Variants in ANTXR2 observed in about 807,000 individuals in gnomAD.
ANTXR2 encodes the protein ANTXR cell adhesion molecule 2, also known as anthrax toxin receptor 2.
ANTXR2 carries 44 observed loss-of-function variants against 73.7 expected under a neutral mutation model. The ratio of observed to expected loss-of-function variants is 0.60; its 90% CI spans 0.47 to 0.77. ANTXR2 has a LOEUF of 0.77. ANTXR2 is among the 30% of genes least tolerant of loss of function. The pLI, the probability that ANTXR2 is intolerant of heterozygous loss-of-function variation, is 0.00. For missense variants in ANTXR2, 604 were observed against 592.5 expected (o/e 1.02, Z -0.20); for synonymous variants, 217 against 205.9 (o/e 1.05, Z -0.46).
At chr4:80,058,393 GA>G (rs767266177) in intron 3 of ANTXR2, among the ~76,000 whole-genome samples, 3 of 152,110 alleles carry the variant, frequency 2.0e-5, no homozygotes, top group East Asian at 3.9e-4. Flanking sequence ...ATCCTAAGAG[GA>G]AAGTGCTCCT....
intron 10 of ANTXR2, among the ~76,000 whole-genome samples, chr4:80,022,641 CTAGTTAGTATGTT>C (rs1164258542): frequency 6.6e-6 from 1 of 152,278 alleles, no homozygotes; most frequent in South Asian, 2.1e-4. Context: ...ACTTCTACTT[CTAGTTAGTATGTT>C]TCTGACAGTG....
chr4:79,924,326 TTAAAA>T (rs1446304010), intron 16 of ANTXR2, among the ~76,000 whole-genome samples: 2 of 152,022 alleles, frequency 1.3e-5, no homozygotes, highest in Admixed American at 6.6e-5. Flanking sequence ...AAAACATTCT[TTAAAA>T]TAACGAAAAA....
intron 16 of ANTXR2, among the ~76,000 whole-genome samples, chr4:79,928,150 T>C (rs552111486): frequency 6.6e-6 from 1 of 152,210 alleles, no homozygotes; most frequent in Non-Finnish European, 1.5e-5. Flanking sequence ...ATGTGTCATA[T>C]ACATACAATG....
rs771206185 is a variant in ANTXR2 at position 79,978,007 on chromosome 4, C to G, written c.1347G>C (p.Lys449Asn). 2 of 1,582,930 alleles carry G rather than the reference C, an allele frequency of 1.3e-6. No individual in the cohort carries two copies. Among genetic ancestry groups the G allele is most frequent in the East Asian group, 4.5e-5 (2 of 44,606 alleles). The change falls in exon 15 of 17, where the codon AAG (lysine) becomes AAC (asparagine). Residue 449 changes from lysine (K) to asparagine (N), a missense_variant and splice_region_variant. Transcript: ENST00000403729. ...AATTACACAAAATCTGGACACATACCTTAATTGGGGTGTACCATTTTGTCT... is the reference window on the plus strand; with the variant it reads ...AATTACACAAAATCTGGACACATACGTTAATTGGGGTGTACCATTTTGTCT... ...PPQTKWYTPI[K>N]GRLDALWALL...
rs985904122 is a variant in ANTXR2, at chr4:80,055,221, A to G, written c.487-3T>C. On this transcript the variant is annotated splice_polypyrimidine_tract_variant and splice_region_variant and intron_variant, in intron 5 of 16. Transcript: ENST00000403729. ...CCAAGTGACCTGGATATCTTTGCCT[A>G]TGGAGAATGAGGAGGGAAAGAGAGA... The G allele has an allele frequency of 5.1e-6, 8 of 1,566,584 alleles. No individual in the cohort carries two copies. In the African/African-American group the frequency reaches 5.4e-5, roughly 11 times the overall value.
intron 3 of ANTXR2, among the ~76,000 whole-genome samples, chr4:80,057,232 T>C (rs1578191268): frequency 6.6e-6 from 1 of 152,052 alleles, no homozygotes; most frequent in East Asian, 1.9e-4. Flanking sequence ...GTAAGAAGTA[T>C]CATCTTAACA....
Position 79,977,793 on chromosome 4 carries a change from C to A in ANTXR2, c.1348-92G>T, listed in dbSNP as rs1360304132. The A allele has an allele frequency of 5.3e-6, 7 of 1,322,804 alleles. No individual in the cohort carries two copies. In the African/African-American group the frequency reaches 7.5e-5, roughly 14 times the overall value. 81.9% of individuals were successfully genotyped at this position (1,322,804 alleles called of 1,614,324 possible). A position where few individuals can be genotyped will look rare whatever the true frequency, so the allele number is the denominator to read the frequency against. On this transcript the variant is annotated intron_variant, in intron 15 of 16. Transcript: ENST00000403729. ...AGACATAAAACGAAGAAAGTAAAAT[C>A]TTCTTTACCCTCATTTCTTTCATAA...
chr4:79,994,600 A>T (rs892340178), intron 12 of ANTXR2, among the ~76,000 whole-genome samples: 1 of 133,198 alleles, frequency 7.5e-6, no homozygotes, highest in African/African-American at 2.8e-5. Flanking sequence ...CCTGAGAATT[A>T]CATCCTCCTG....
At chr4:80,068,450 C>T (rs1371792122) in intron 3 of ANTXR2, among the ~76,000 whole-genome samples, 1 of 152,166 alleles carries the variant, frequency 6.6e-6, no homozygotes, top group African/African-American at 2.4e-5. Context: ...AAAGCTCCCT[C>T]CCACTATGGA....
chr4:79,982,259 A>C (rs1256321064), intron 14 of ANTXR2, among the ~76,000 whole-genome samples: 1 of 152,166 alleles, frequency 6.6e-6, no homozygotes, highest in Non-Finnish European at 1.5e-5. Flanking sequence ...GAAGTAGTAC[A>C]TGCTCACTGT....
At chr4:79,986,013 T>C (rs1302709348) in intron 12 of ANTXR2, among the ~76,000 whole-genome samples, 2 of 152,022 alleles carry the variant, frequency 1.3e-5, no homozygotes, top group Non-Finnish European at 2.9e-5. Flanking sequence ...GGCTAATTTT[T>C]TTGTATTTTT....
chr4:80,008,725 G>T, intron 11 of ANTXR2, 109 bp from the exon 12 acceptor site: 1 of 591,908 alleles, frequency 1.7e-6, no homozygotes, highest in Non-Finnish European at 2.8e-6. Flanking sequence ...AAAGTATAAT[G>T]TCAAACTAGA....
chr4:79,933,501 T>C (rs1477831117), intron 16 of ANTXR2, among the ~76,000 whole-genome samples: 2 of 152,278 alleles, frequency 1.3e-5, no homozygotes, highest in South Asian at 2.1e-4. Context: ...CTGAATCATA[T>C]TGTTGGAAGA....
chr4:80,017,823 T>C (rs1731947198), intron 11 of ANTXR2, among the ~76,000 whole-genome samples: 1 of 151,658 alleles, frequency 6.6e-6, no homozygotes, highest in Admixed American at 6.6e-5. Flanking sequence ...AATTGCAACA[T>C]GCGCTAGAAA....
chr4:80,045,366 A>G (rs1298929649), intron 7 of ANTXR2, among the ~76,000 whole-genome samples: 1 of 151,720 alleles, frequency 6.6e-6, no homozygotes, highest in Non-Finnish European at 1.5e-5. Flanking sequence ...AAGTTCTCCA[A>G]AATTTTTACA....
intron 7 of ANTXR2, among the ~76,000 whole-genome samples, chr4:80,039,518 C>T (rs1350741452): frequency 2.0e-5 from 3 of 151,896 alleles, no homozygotes; most frequent in Admixed American, 2.0e-4. Flanking sequence ...AAGTGGCCAA[C>T]AAACATACAA....
intron 3 of ANTXR2, among the ~76,000 whole-genome samples, chr4:80,063,778 T>C (rs1367089009): frequency 6.6e-6 from 1 of 152,202 alleles, no homozygotes; most frequent in Non-Finnish European, 1.5e-5. Context: ...TAGTATTCCA[T>C]CCAATGTATA....
At chr4:80,034,779 C>T (rs908507161) in intron 8 of ANTXR2, among the ~76,000 whole-genome samples, 65 of 152,254 alleles carry the variant, frequency 4.3e-4, no homozygotes, top group Middle Eastern at 3.4e-3. Flanking sequence ...TACCAGTCCT[C>T]TAAAACTTCT....
intron 10 of ANTXR2, among the ~76,000 whole-genome samples, chr4:80,027,022 G>C (rs1391576405): frequency 6.6e-6 from 1 of 151,978 alleles, no homozygotes; most frequent in East Asian, 1.9e-4. Flanking sequence ...GGAAGTGTGG[G>C]GTAGAGAAAC....
Sources: gnomAD v4.1 joint callset for allele counts (sites outside exome capture counted in the v4.1 genomes callset) on GRCh38, gnomAD v4.1.1 for gene constraint, MANE v1.5 for transcripts, NCBI Gene and HGNC (gene_info 2026-07-23, HGNC 2026-07-21) for gene names.